PCDHGA5: variants seen among roughly 807,000 people sequenced by gnomAD.
PCDHGA5 encodes protocadherin gamma subfamily A, 5, also known as protocadherin gamma-A5.
A neutral mutation model predicts 56.7 loss-of-function variants in PCDHGA5; 36 were observed. The ratio of observed to expected loss-of-function variants is 0.64; its 90% CI spans 0.49 to 0.84. PCDHGA5 has a LOEUF of 0.84. PCDHGA5 is among the 40% of genes least tolerant of loss of function. The pLI is 0.00. For missense variants in PCDHGA5, 1,305 were observed against 1,201.5 expected, an observed-to-expected ratio of 1.09 and a Z score of -1.27; for synonymous variants, 563 against 520.2, an observed-to-expected ratio of 1.08 and a Z score of -1.12.
rs1220470558 is a variant in PCDHGA5 at position 141,365,061 on chromosome 5, C to T, written c.731C>T (p.Pro244Leu). The change falls in exon 1 of 4, where the codon CCA becomes CTA. Residue 244 changes from proline to leucine, a missense_variant. Pro to Leu is a moderately conservative substitution (Grantham distance 98). Transcript: ENST00000518069. ...DANDNAPLFT[P>L]SEYSVSVPEN... The stretch of plus-strand genomic sequence containing the variant: ...AACGACAATGCGCCCCTGTTCACCC[C>T]ATCCGAGTACAGCGTGAGTGTTCCA... 13 of 1,613,766 alleles carry T rather than the reference C, an allele frequency of 8.1e-6. No individual in the cohort carries two copies. The highest frequency in any genetic ancestry group is 1.1e-5 in the Non-Finnish European group (13 of 1,179,910).
rs2099749948 is a variant in PCDHGA5 at position 141,493,762 on chromosome 5, C to T, written c.2422-1045C>T. Among the ~76,000 whole-genome samples the T allele has an allele frequency of 1.3e-5, 2 of 152,130 alleles. No homozygotes were observed. Among genetic ancestry groups the T allele is most frequent in the South Asian group, 4.1e-4 (2 of 4,830 alleles). Reference sequence around the variant, plus strand: ...TGCCACCTGTGAGCCTTGAGTGAGCCACTGGCAGTTCCGGAGCTTCCTTCT... The same window carrying T: ...TGCCACCTGTGAGCCTTGAGTGAGCTACTGGCAGTTCCGGAGCTTCCTTCT... On this transcript the variant is annotated intron_variant, in intron 1 of 3. Transcript: ENST00000518069. The surrounding 1 kb of genome is among the most constrained non-coding windows in gnomAD (Gnocchi z 4.3).
rs371995922 is a variant in PCDHGA5 at position 141,395,132 on chromosome 5, C to T, written c.2421+28381C>T. ...AGAGTCACCTGATCTTTCCCCAGCC[C>T]AACTACGCAGACATGCTCATCAGTC... On this transcript the variant is annotated intron_variant, in intron 1 of 3. Transcript: ENST00000518069. 8.7e-6 allele frequency: 14 copies of T among 1,614,068 alleles called. No homozygotes were observed. The African/African-American group carries it at 1.6e-4, about 18-fold the overall frequency.
intron 1 of PCDHGA5, chr5:141,395,402 C>T (rs1012676021): frequency 5.9e-6 from 5 of 846,250 alleles, no homozygotes; most frequent in Non-Finnish European, 8.7e-6. Context: ...CTCTAATAGT[C>T]ATAGGTTATT....
At chr5:141,371,173 C>T in intron 1 of PCDHGA5, 8 of 1,613,998 alleles carry the variant, frequency 5.0e-6, no homozygotes, top group Non-Finnish European at 6.8e-6. Context: ...GCTGGCTCCT[C>T]CGTATTAAAA....
chr5:141,413,989 G>C, intron 1 of PCDHGA5: 1 of 1,613,400 alleles, frequency 6.2e-7, no homozygotes, highest in East Asian at 2.2e-5. Context: ...CACAGCCACC[G>C]ACAGGGACGA....
In PCDHGA5 at chr5:141,486,421, G is replaced by C; in HGVS notation, c.2422-8386G>C. 1 of 1,614,152 alleles carries C rather than the reference G, an allele frequency of 6.2e-7. No individual in the cohort carries two copies. Among genetic ancestry groups the C allele is most frequent in the African/African-American group, 1.3e-5 (1 of 75,028 alleles). On this transcript the variant is annotated intron_variant, in intron 1 of 3. Coordinates refer to ENST00000518069, the MANE Select transcript of PCDHGA5 (RefSeq NM_018918.3). This position sits in a 1 kb window ranked among gnomAD's most constrained non-coding sequence, Gnocchi z 5.0. Reference sequence around the variant, plus strand: ...TGACTGCTGGACCCTTGGATCGAGAGGCCAAATCTAGCTATGACATCATGG... The same window carrying C: ...TGACTGCTGGACCCTTGGATCGAGACGCCAAATCTAGCTATGACATCATGG...
rs370264318 is a variant in PCDHGA5, at chr5:141,403,767, G to C, written c.2421+37016G>C. 1.0e-4 allele frequency: 169 copies of C among 1,613,880 alleles called. No homozygotes were observed. In the East Asian group the frequency reaches 1.6e-3, roughly 16 times the overall value. Reference sequence around the variant, plus strand: ...GCAACAGCCAGCGACCTGGATGAGGGAATCAACGGAAAAGTGGCATACAAA... The same window carrying C: ...GCAACAGCCAGCGACCTGGATGAGGCAATCAACGGAAAAGTGGCATACAAA... On this transcript the variant is annotated intron_variant, in intron 1 of 3. Coordinates refer to ENST00000518069, the MANE Select transcript of PCDHGA5 (RefSeq NM_018918.3).
At chr5:141,371,591 A>C (rs1767870788) in intron 1 of PCDHGA5, 2 of 1,614,016 alleles carry the variant, frequency 1.2e-6, no homozygotes, top group African/African-American at 2.7e-5. Context: ...AAGATACCAA[A>C]AACACATACA....
chr5:141,394,865 G>T (rs2093117021), intron 1 of PCDHGA5: 1 of 1,613,816 alleles, frequency 6.2e-7, no homozygotes, highest in Non-Finnish European at 8.5e-7. Flanking sequence ...CGGTCGACCC[G>T]AACGATTCGA....
chr5:141,477,220 G>A lies in PCDHGA5; in HGVS notation c.2422-17587G>A. 24 of 1,614,190 alleles carry A rather than the reference G, an allele frequency of 1.5e-5. No individual in the cohort carries two copies. The highest frequency in any genetic ancestry group is 1.9e-5 in the Non-Finnish European group (23 of 1,180,040). ...CAGTACCCGAGGATGCCCCTCTGGG[G>A]ACTGTCATCGCTTTGCTCAGTGTGA... is the stretch of plus-strand genomic sequence containing the variant. On this transcript the variant is annotated intron_variant, in intron 1 of 3. Coordinates refer to ENST00000518069, the MANE Select transcript of PCDHGA5 (RefSeq NM_018918.3). The surrounding 1 kb of genome is among the most constrained non-coding windows in gnomAD (Gnocchi z 4.9).
In PCDHGA5 at chr5:141,389,591, C is replaced by G. The variant is rs533336501; in HGVS notation, c.2421+22840C>G. ...TGTACCCCGCGCTGGGTCCCGACGG[C>G]TCTGCGCTCTTCGATATGGTGCCGC... On this transcript the variant is annotated intron_variant, in intron 1 of 3. Transcript: ENST00000518069. 2.1e-5 allele frequency: 34 copies of G among 1,613,176 alleles called. No homozygotes were observed. The African/African-American group carries it at 2.1e-4, about 10-fold the overall frequency.
intron 1 of PCDHGA5, among the ~76,000 whole-genome samples, chr5:141,461,126 T>C (rs575819058): frequency 6.6e-6 from 1 of 152,260 alleles, no homozygotes; most frequent in Non-Finnish European, 1.5e-5. Flanking sequence ...TTTCATATAA[T>C]TACTTATTTT....
intron 2 of PCDHGA5, among the ~76,000 whole-genome samples, chr5:141,497,540 CT>C (rs754207034): frequency 0.18 from 24,498 of 134,808 alleles, 2,020 homozygotes; most frequent in African/African-American, 0.21. Flanking sequence ...TGCAACAAAC[CT>C]TTTTTTTTTT....
intron 1 of PCDHGA5, among the ~76,000 whole-genome samples, chr5:141,454,170 G>A (rs2098782662): frequency 6.6e-6 from 1 of 152,162 alleles, no homozygotes; most frequent in Admixed American, 6.5e-5. Context: ...TCTCTAGAAG[G>A]GCAGCTAAAG....
At chr5:141,471,215 A>G (rs1562030197) in intron 1 of PCDHGA5, 1 of 149,038 alleles carries the variant, frequency 6.7e-6, no homozygotes, top group Non-Finnish European at 1.5e-5. Context: ...ATGCCTGGCA[A>G]TTTTTTTGTA....
At chr5:141,393,722 A>T in intron 1 of PCDHGA5, 1 of 1,613,892 alleles carries the variant, frequency 6.2e-7, no homozygotes, top group Non-Finnish European at 8.5e-7. Context: ...AAATATCAAT[A>T]GCAAAAAGTC....
Position 141,415,510 on chromosome 5 carries a change from T to C in PCDHGA5, c.2421+48759T>C, listed in dbSNP as rs780820182. On this transcript the variant is annotated intron_variant, in intron 1 of 3. Coordinates refer to ENST00000518069, the MANE Select transcript of PCDHGA5 (RefSeq NM_018918.3). ...TCACCTGATCTTCCCCCAGCCCAAT[T>C]ATGCGGACACGCTCATCAGCCAGGA... The C allele has an allele frequency of 2.5e-6, 4 of 1,614,088 alleles. No homozygotes were observed. The African/African-American group carries it at 5.3e-5, about 22-fold the overall frequency.
intron 1 of PCDHGA5, chr5:141,423,131 A>G (rs370773437): frequency 1.9e-6 from 3 of 1,613,538 alleles, no homozygotes; most frequent in Admixed American, 1.7e-5. Context: ...GCACTGCTGG[A>G]CAGAGACGCG....
chr5:141,388,992 C>T (rs1310959225), intron 1 of PCDHGA5: 3 of 1,613,834 alleles, frequency 1.9e-6, no homozygotes, highest in African/African-American at 1.3e-5. Flanking sequence ...GCTCAAAGTC[C>T]GTGACAAGGA....
Sources: allele counts gnomAD v4.1 joint callset (sites outside exome capture counted in the v4.1 genomes callset), GRCh38; gene constraint gnomAD v4.1.1; non-coding constraint Gnocchi (gnomAD v3.1); transcripts MANE v1.5; gene names NCBI Gene and HGNC (gene_info 2026-07-23, HGNC 2026-07-21).